CFAP299: variants seen among roughly 807,000 people sequenced by gnomAD.
CFAP299 encodes the protein cilia- and flagella-associated protein 299.
Under a neutral mutation model 27.0 loss-of-function variants are expected in CFAP299, and 21 were observed. That is an observed-to-expected ratio of 0.78 (90% CI 0.55 to 1.12). The LOEUF (loss-of-function observed/expected upper bound fraction) is 1.12. CFAP299 is among the 50% of genes most tolerant of loss of function. CFAP299 has a pLI of 0.00. For synonymous variants in CFAP299, 104 were observed against 98.1 expected (o/e 1.06, Z -0.36); for missense variants, 310 against 276.6 (o/e 1.12, Z -0.86).
chr4:80,786,018 C>A (rs1453273933), intron 3 of CFAP299, among the ~76,000 whole-genome samples: 1 of 152,020 alleles, frequency 6.6e-6, no homozygotes, highest in African/African-American at 2.4e-5. Flanking sequence ...GATTATTTTT[C>A]TTTTAATGTT....
At chr4:80,902,875 T>G (rs1304405650) in intron 4 of CFAP299, among the ~76,000 whole-genome samples, 1 of 152,028 alleles carries the variant, frequency 6.6e-6, no homozygotes, top group Non-Finnish European at 1.5e-5. Context: ...GTTAGTGTTT[T>G]ATTGAGTCTT....
intron 3 of CFAP299, among the ~76,000 whole-genome samples, chr4:80,781,054 T>A (rs1726848161): frequency 6.6e-6 from 1 of 151,980 alleles, no homozygotes; most frequent in South Asian, 2.1e-4. Flanking sequence ...CCTCATTTTT[T>A]ATATGTAATC....
intron 3 of CFAP299, among the ~76,000 whole-genome samples, chr4:80,865,025 A>G (rs1340413175): frequency 6.6e-6 from 1 of 152,180 alleles, no homozygotes; most frequent in Non-Finnish European, 1.5e-5. Flanking sequence ...GAACCTGAAT[A>G]TCATGGGAAG....
intron 3 of CFAP299, among the ~76,000 whole-genome samples, chr4:80,846,754 A>T (rs552579196): frequency 1.1e-4 from 17 of 152,208 alleles, no homozygotes; most frequent in African/African-American, 4.1e-4. Context: ...GGGTGCTCTT[A>T]ACCCATTGGT....
chr4:80,359,445 C>T (rs1723436224), intron 1 of CFAP299, among the ~76,000 whole-genome samples: 1 of 152,164 alleles, frequency 6.6e-6, no homozygotes, highest in Non-Finnish European at 1.5e-5. Context: ...CCATCTCTTT[C>T]AGGGACACCA....
At chr4:80,901,168 GT>G (rs1320923012) in intron 4 of CFAP299, among the ~76,000 whole-genome samples, 1 of 152,090 alleles carries the variant, frequency 6.6e-6, no homozygotes, top group Non-Finnish European at 1.5e-5. Context: ...GTGCACAGGC[GT>G]TATGGAGGGC....
chr4:80,923,048 A>G (rs1482561030), intron 4 of CFAP299, among the ~76,000 whole-genome samples: 1 of 152,002 alleles, frequency 6.6e-6, no homozygotes, highest in African/African-American at 2.4e-5. Flanking sequence ...TTTGCTAAAC[A>G]AAGGCAAGAA....
At chr4:80,539,239 GT>G (rs1427977666) in intron 2 of CFAP299, among the ~76,000 whole-genome samples, 1 of 152,056 alleles carries the variant, frequency 6.6e-6, no homozygotes, top group Non-Finnish European at 1.5e-5. Context: ...CCTGTATTTT[GT>G]TTTAATCAAG....
chr4:80,695,674 CTTT>C (rs5859732), intron 3 of CFAP299, among the ~76,000 whole-genome samples: 8 of 136,878 alleles, frequency 5.8e-5, no homozygotes, highest in African/African-American at 8.0e-5. Flanking sequence ...CCTTATCATC[CTTT>C]TTTTTTTTTT....
rs981110262 is a variant in CFAP299 at position 80,689,397 on chromosome 4, C to T, written c.333+106214C>T. 1.4e-3 allele frequency among the ~76,000 whole-genome samples: 208 copies of T among 152,240 alleles called. 2 individuals carry two copies. The highest frequency in any genetic ancestry group is 2.4e-3 in the Non-Finnish European group (163 of 68,016). ...AGTGGGGGCCAATATTCAACATTCT[C>T]AAAGAAAAGAATTTTCAACACAGAA... On this transcript the variant is annotated intron_variant, in intron 3 of 5. Coordinates refer to ENST00000358105, the MANE Select transcript of CFAP299 (RefSeq NM_152770.3).
intron 2 of CFAP299, among the ~76,000 whole-genome samples, chr4:80,404,503 A>C (rs1427331446): frequency 6.6e-6 from 1 of 152,042 alleles, no homozygotes; most frequent in Admixed American, 6.5e-5. Context: ...GAATCTGACT[A>C]CTCGAGGTAC....
chr4:80,905,428 C>T (rs1735133773), intron 4 of CFAP299, among the ~76,000 whole-genome samples: 1 of 152,064 alleles, frequency 6.6e-6, no homozygotes, highest in African/African-American at 2.4e-5. Context: ...TCCATTGTGC[C>T]TTCTAATCAT....
intron 3 of CFAP299, among the ~76,000 whole-genome samples, chr4:80,709,114 A>G (rs978981679): frequency 2.0e-5 from 3 of 152,186 alleles, no homozygotes; most frequent in African/African-American, 2.4e-5. Context: ...TGTTAAAACT[A>G]AGACAAATAT....
At chr4:80,427,076 A>G (rs993159470) in intron 2 of CFAP299, among the ~76,000 whole-genome samples, 4 of 152,206 alleles carry the variant, frequency 2.6e-5, no homozygotes, top group Admixed American at 6.5e-5. Context: ...CCAACAACAG[A>G]TGCTTTGAGG....
intron 3 of CFAP299, among the ~76,000 whole-genome samples, chr4:80,648,485 G>A (rs1045894748): frequency 6.6e-6 from 1 of 152,068 alleles, no homozygotes; most frequent in African/African-American, 2.4e-5. Flanking sequence ...CAGATTAAGA[G>A]GATTTCTACT....
chr4:80,388,666 A>C (rs1725162007), intron 2 of CFAP299: 1 of 1,145,960 alleles, frequency 8.7e-7, no homozygotes, highest in African/African-American at 1.6e-5. Flanking sequence ...GGACAGCTAG[A>C]ATGGTCTGGT....
intron 2 of CFAP299, among the ~76,000 whole-genome samples, chr4:80,425,694 A>T (rs1727497963): frequency 6.6e-6 from 1 of 152,224 alleles, no homozygotes; most frequent in African/African-American, 2.4e-5. Flanking sequence ...CAGTAATAAA[A>T]TTCGAGAGAG....
intron 1 of CFAP299, among the ~76,000 whole-genome samples, chr4:80,347,369 C>T (rs1178850320): frequency 6.6e-6 from 1 of 151,962 alleles, no homozygotes; most frequent in African/African-American, 2.4e-5. Context: ...AAAGGGAATG[C>T]TTCCAGTATT....
chr4:80,858,886 G>A (rs1411360607), intron 3 of CFAP299, among the ~76,000 whole-genome samples: 1 of 152,164 alleles, frequency 6.6e-6, no homozygotes, highest in African/African-American at 2.4e-5. Flanking sequence ...TGTATATTCT[G>A]TTGATTTGGG....
Sources: gnomAD v4.1 joint callset for allele counts (sites outside exome capture counted in the v4.1 genomes callset) on GRCh38, gnomAD v4.1.1 for gene constraint, MANE v1.5 for transcripts, NCBI Gene and HGNC (gene_info 2026-07-23, HGNC 2026-07-21) for gene names.